CBX5: variants seen among roughly 807,000 people sequenced by gnomAD.
CBX5 encodes the protein chromobox 5, also known as chromobox protein homolog 5.
CBX5 carries 7 observed loss-of-function variants against 20.7 expected under a neutral mutation model. The ratio of observed to expected loss-of-function variants is 0.34; its 90% confidence interval spans 0.19 to 0.63. The LOEUF (loss-of-function observed/expected upper bound fraction) is 0.63. Ranked by LOEUF, CBX5 falls within the 30% of genes least tolerant of loss-of-function variation. The probability of loss-of-function intolerance (pLI) is 0.75; values close to 1 mark genes in which losing one functional copy is unlikely to be tolerated. For missense variants in CBX5, 110 were observed against 224.1 expected (o/e 0.49, Z 3.25); for synonymous variants, 78 against 77.0 (o/e 1.01, Z -0.07).
At chr12:54,261,990 A>G (rs908114826) in intron 1 of CBX5, among the ~76,000 whole-genome samples, 3 of 152,348 alleles carry the variant, frequency 2.0e-5, no homozygotes, top group South Asian at 4.1e-4. Context: ...CTAGTAAACC[A>G]TATCACATGC....
At chr12:54,258,345 G>T (rs1943883317) in intron 1 of CBX5, 1 of 152,148 alleles carries the variant, frequency 6.6e-6, no homozygotes, top group Admixed American at 6.5e-5. Context: ...GGGATGGGAG[G>T]GAGGCAGAAA....
chr12:54,250,458 A>T (rs1943783462), intron 3 of CBX5, among the ~76,000 whole-genome samples: 1 of 152,010 alleles, frequency 6.6e-6, no homozygotes, highest in Non-Finnish European at 1.5e-5. Context: ...TATGATTTTC[A>T]CTGCAAAAAA....
At chr12:54,258,094 CTT>C (rs1943880356) in intron 1 of CBX5, 1 of 153,606 alleles carries the variant, frequency 6.5e-6, no homozygotes, top group Admixed American at 6.5e-5. Flanking sequence ...GAATAAGCGT[CTT>C]TATAAAAATG....
In CBX5 at chr12:54,239,866, G is replaced by C. The variant is rs1943658407; in HGVS notation, c.*1889C>G. 1 of 152,202 alleles carries C rather than the reference G, an allele frequency of 6.6e-6. No individual in the cohort carries two copies. Among genetic ancestry groups the C allele is most frequent in the Admixed American group, 6.5e-5 (1 of 15,282 alleles). The allele number at this position is 152,202 out of a possible 1,614,324, so 9.4% of individuals were successfully genotyped here. On this transcript the variant is annotated 3_prime_UTR_variant, in exon 5 of 5. Transcript: ENST00000209875. ...TATATAAGCACACAGAATTCAATCA[G>C]CAGCTGAGCAGGGAAGCAATGTTAA...
chr12:54,262,017 C>T (rs928735085), intron 1 of CBX5, among the ~76,000 whole-genome samples: 1 of 152,174 alleles, frequency 6.6e-6, no homozygotes. Context: ...TCCTGCAGCT[C>T]AACACATTAG....
Position 54,257,609 on chromosome 12 carries a change from TGAA to T in CBX5, c.39_41del (p.Ser14del), listed in dbSNP as rs771963330. ...CCACAACATACTCCTCCTCATCCTC[TGAA>T]GAAGAACTGTCAGCTGTCCGCTTGG... is the stretch of plus-strand genomic sequence containing the variant. On this transcript the variant is annotated inframe_deletion, in exon 2 of 5. Transcript: ENST00000209875. 41 of 1,614,122 alleles carry T rather than the reference TGAA, an allele frequency of 2.5e-5. No homozygotes were observed. The highest frequency in any genetic ancestry group is 2.0e-4 in the East Asian group (9 of 44,904).
chr12:54,245,870 C>T (rs550228219), intron 4 of CBX5, among the ~76,000 whole-genome samples: 3 of 152,134 alleles, frequency 2.0e-5, no homozygotes, highest in South Asian at 4.2e-4. Context: ...CCCAGGTACT[C>T]GGGAGGCTGA....
rs1943873882 is a variant in CBX5 at position 54,257,593 on chromosome 12, ACTC to A, written c.55_57del (p.Glu19del). 1 of 1,613,742 alleles carries A rather than the reference ACTC, an allele frequency of 6.2e-7. No homozygotes were observed. Among genetic ancestry groups the A allele is most frequent in the South Asian group, 1.1e-5 (1 of 91,068 alleles). The stretch of plus-strand genomic sequence containing the variant: ...CTGTCTAGCACCTTCTCCACAACAT[ACTC>A]CTCCTCATCCTCTGAAGAAGAACTG... On this transcript the variant is annotated inframe_deletion, in exon 2 of 5. Transcript: ENST00000209875.
chr12:54,263,935 G>T (rs1336516456), intron 1 of CBX5, among the ~76,000 whole-genome samples: 2 of 151,672 alleles, frequency 1.3e-5, no homozygotes, highest in East Asian at 3.9e-4. Flanking sequence ...CCCAGCTACT[G>T]GGGAGGCTGA....
At chr12:54,268,858 G>A (rs759353416) in intron 1 of CBX5, among the ~76,000 whole-genome samples, 6 of 152,198 alleles carry the variant, frequency 3.9e-5, no homozygotes, top group Non-Finnish European at 7.3e-5. Flanking sequence ...TGACTCTCAT[G>A]GGTGTTAGTT....
At chr12:54,279,578 C>T (rs1944109725) in intron 1 of CBX5, among the ~76,000 whole-genome samples, 3 of 152,166 alleles carry the variant, frequency 2.0e-5, no homozygotes, top group Admixed American at 2.0e-4. Context: ...TTAGGCTGTC[C>T]GTCTACTGGT....
At chr12:54,254,895 G>A (rs1490013068) in intron 2 of CBX5, among the ~76,000 whole-genome samples, 2 of 151,850 alleles carry the variant, frequency 1.3e-5, no homozygotes, top group African/African-American at 4.8e-5. Context: ...TCCTCACACA[G>A]TAACTTTCCC....
Position 54,246,197 on chromosome 12 carries a change from G to T in CBX5, c.343C>A (p.Arg115=), listed in dbSNP as rs1943733779. The change falls in exon 4 of 5, where the codon CGG becomes AGG. Residue 115 remains arginine (R), a synonymous_variant. Transcript: ENST00000209875. ...KKREQSNDIA[R]GFERGLEPEK... ...GGTTCCAGTCCTCTCTCAAAGCCCCGAGCGATATCATTGCTCTGCTATAAA... is the reference window on the plus strand; with the variant it reads ...GGTTCCAGTCCTCTCTCAAAGCCCCTAGCGATATCATTGCTCTGCTATAAA... 2.5e-6 allele frequency: 4 copies of T among 1,612,452 alleles called. No homozygotes were observed. The South Asian group carries it at 4.4e-5, about 18-fold the overall frequency.
chr12:54,245,997 T>C (rs988941856), intron 4 of CBX5, 118 bp downstream of exon 4: 2 of 741,054 alleles, frequency 2.7e-6, no homozygotes, highest in Non-Finnish European at 4.8e-6. Context: ...AAAAGAAAGA[T>C]CTCTGACATT....
At chr12:54,259,402 G>A (rs756911839) in intron 1 of CBX5, 3 of 152,438 alleles carry the variant, frequency 2.0e-5, no homozygotes, top group Non-Finnish European at 4.4e-5. Flanking sequence ...GGATTTACAT[G>A]TGTTCTTCAT....
Position 54,237,149 on chromosome 12 carries a change from C to T in CBX5, c.*4606G>A, listed in dbSNP as rs1000651475. 3 of 152,206 alleles carry T rather than the reference C, an allele frequency of 2.0e-5. No homozygotes were observed. Among genetic ancestry groups the T allele is most frequent in the East Asian group, 3.9e-4 (2 of 5,172 alleles). 9.4% of individuals were successfully genotyped at this position (152,206 alleles called of 1,614,324 possible). ...GGTCCAAATGCTCCCCAGAGTGGAC[C>T]AAAACTGGATTTTGTCCATGGCAAC... On this transcript the variant is annotated 3_prime_UTR_variant, in exon 5 of 5. Coordinates refer to ENST00000209875, the MANE Select transcript of CBX5 (RefSeq NM_012117.3).
intron 3 of CBX5, among the ~76,000 whole-genome samples, chr12:54,250,291 A>T (rs1405369899): frequency 6.6e-6 from 1 of 152,146 alleles, no homozygotes; most frequent in African/African-American, 2.4e-5. Flanking sequence ...CATGCCTGTA[A>T]TCCCAACTAC....
chr12:54,267,809 A>G (rs1455213707), intron 1 of CBX5, among the ~76,000 whole-genome samples: 1 of 152,162 alleles, frequency 6.6e-6, no homozygotes, highest in Non-Finnish European at 1.5e-5. Flanking sequence ...CGTGAGCCAC[A>G]GCACACAGCT....
chr12:54,253,930 T>C (rs950794387), intron 2 of CBX5, among the ~76,000 whole-genome samples: 2 of 151,860 alleles, frequency 1.3e-5, no homozygotes, highest in African/African-American at 2.4e-5. Flanking sequence ...TTTGTATTTT[T>C]AGTAGAGACG....
Sources: allele counts gnomAD v4.1 joint callset (sites outside exome capture counted in the v4.1 genomes callset), GRCh38; gene constraint gnomAD v4.1.1; transcripts MANE v1.5; gene names NCBI Gene and HGNC (gene_info 2026-07-23, HGNC 2026-07-21).